CFAP96: variants seen among roughly 807,000 people sequenced by gnomAD.
The protein encoded by CFAP96 is cilia-and flagella-associated protein 96.
the CFAP96 span, among the ~76,000 whole-genome samples, chr4:185,439,930 T>C: frequency 4.1e-5 from 6 of 144,974 alleles, no homozygotes. Flanking sequence ...ATATGATATA[T>C]ATACATATAT....
chr4:185,424,158 T>C, the CFAP96 span, among the ~76,000 whole-genome samples: 1 of 148,110 alleles, frequency 6.8e-6, no homozygotes, highest in East Asian at 2.0e-4. Flanking sequence ...AAAAAAAAAA[T>C]TAGCTGAGTG....
the CFAP96 span, chr4:185,418,507 T>A: frequency 6.2e-7 from 1 of 1,611,628 alleles, no homozygotes; most frequent in Non-Finnish European, 8.5e-7. Context: ...CTGGCTCAAA[T>A]CTAAATTTTT....
At chr4:185,423,651 A>G in the CFAP96 span, among the ~76,000 whole-genome samples, 1 of 152,228 alleles carries the variant, frequency 6.6e-6, no homozygotes, top group Non-Finnish European at 1.5e-5. Context: ...CAACTTATAA[A>G]GGGAAAAGAG....
the CFAP96 span, among the ~76,000 whole-genome samples, chr4:185,437,910 C>A: frequency 6.6e-6 from 1 of 151,958 alleles, no homozygotes. Flanking sequence ...AAGGTTACTC[C>A]ACTGTCTTCC....
chr4:185,445,687 TA>T, the CFAP96 span: 1 of 565,708 alleles, frequency 1.8e-6, no homozygotes, highest in African/African-American at 1.9e-5. Context: ...TTCTTTGGAG[TA>T]AAAACAATCA....
chr4:185,413,652 T>C, the CFAP96 span: 1 of 1,401,382 alleles, frequency 7.1e-7, no homozygotes, highest in Non-Finnish European at 9.7e-7. Flanking sequence ...TCAAGTCTCC[T>C]ACTGGGTACC....
chr4:185,426,364 T>G, the CFAP96 span: 1 of 154,992 alleles, frequency 6.5e-6, no homozygotes, highest in African/African-American at 2.4e-5. Flanking sequence ...GGCAACCTGA[T>G]CTCGGCTGTC....
chr4:185,439,488 G>A, the CFAP96 span, among the ~76,000 whole-genome samples: 1 of 152,028 alleles, frequency 6.6e-6, no homozygotes, highest in Non-Finnish European at 1.5e-5. Context: ...TTTATCAAGT[G>A]TTTTCAGTTC....
chr4:185,422,074 T>C, the CFAP96 span, among the ~76,000 whole-genome samples: 3 of 152,240 alleles, frequency 2.0e-5, no homozygotes, highest in African/African-American at 7.2e-5. Context: ...CCTGTTGATT[T>C]TTCTTCCATA....
chr4:185,435,987 G>A, the CFAP96 span: 4 of 1,297,026 alleles, frequency 3.1e-6, no homozygotes, highest in African/African-American at 3.0e-5. Flanking sequence ...TGATAAAATA[G>A]ACTTAAACTT....
At chr4:185,415,277 T>C in the CFAP96 span, 5 of 1,601,524 alleles carry the variant, frequency 3.1e-6, no homozygotes, top group Non-Finnish European at 4.2e-6. Context: ...GTTCCTTTCA[T>C]ATATTTCAAA....
chr4:185,426,190 A>G, the CFAP96 span: 1 of 422,940 alleles, frequency 2.4e-6, no homozygotes, highest in Non-Finnish European at 4.4e-6. Flanking sequence ...GCGTGCTTGG[A>G]ATGGATTCTC....
the CFAP96 span, chr4:185,445,133 G>A: frequency 6.4e-7 from 1 of 1,550,620 alleles, no homozygotes; most frequent in Non-Finnish European, 8.7e-7. Flanking sequence ...GTCAGAAGGT[G>A]GGAATATCTT....
the CFAP96 span, chr4:185,436,016 C>T: frequency 1.3e-6 from 2 of 1,482,618 alleles, no homozygotes; most frequent in Non-Finnish European, 1.8e-6. Context: ...TAACCTCCTT[C>T]TTTTAAAACA....
the CFAP96 span, among the ~76,000 whole-genome samples, chr4:185,409,055 T>G: frequency 6.6e-6 from 1 of 152,170 alleles, no homozygotes; most frequent in Admixed American, 6.5e-5. Context: ...GTCTTATCCA[T>G]TTTTGGGCCC....
At chr4:185,417,191 T>C in the CFAP96 span, among the ~76,000 whole-genome samples, 1 of 152,198 alleles carries the variant, frequency 6.6e-6, no homozygotes, top group Admixed American at 6.5e-5. Context: ...TTCCTGCCAA[T>C]AGTGCATGAC....
At chr4:185,434,080 G>A in the CFAP96 span, among the ~76,000 whole-genome samples, 115 of 152,128 alleles carry the variant, frequency 7.6e-4, no homozygotes, top group African/African-American at 2.5e-3. Context: ...TTAAGCCAGC[G>A]TGGCGATGCA....
At chr4:185,448,802 G>C in the CFAP96 span, among the ~76,000 whole-genome samples, 1 of 152,110 alleles carries the variant, frequency 6.6e-6, no homozygotes, top group Admixed American at 6.5e-5. Context: ...CAGTATTTCA[G>C]GTTTTCTATG....
the CFAP96 span, chr4:185,415,583 G>T: frequency 1.1e-6 from 1 of 895,560 alleles, no homozygotes; most frequent in Non-Finnish European, 1.6e-6. Context: ...TTAATTAATA[G>T]ATGGCTCTTA....
Sources: allele counts gnomAD v4.1 joint callset (sites outside exome capture counted in the v4.1 genomes callset), GRCh38; gene constraint gnomAD v4.1.1; transcripts MANE v1.5; gene names NCBI Gene and HGNC (gene_info 2026-07-23, HGNC 2026-07-21).